TMEM132D: variants seen among roughly 807,000 people sequenced by gnomAD.
TMEM132D encodes the protein transmembrane protein 132D.
Under a neutral mutation model 62.3 loss-of-function variants are expected in TMEM132D, and 21 were observed. The ratio of observed to expected loss-of-function variants is 0.34; its 90% CI spans 0.24 to 0.49. The LOEUF (loss-of-function observed/expected upper bound fraction) is 0.49. Among genes scored for constraint, TMEM132D ranks in the 20% least tolerant of loss-of-function variants. The pLI, the probability that TMEM132D is intolerant of heterozygous loss-of-function variation, is 0.99. For missense variants in TMEM132D, 1,346 were observed against 1,402.8 expected (o/e 0.96, Z 0.65); for synonymous variants, 621 against 575.6 (o/e 1.08, Z -1.13).
At chr12:129,267,316 G>A (rs1477286647) in intron 4 of TMEM132D, among the ~76,000 whole-genome samples, 3 of 152,190 alleles carry the variant, frequency 2.0e-5, no homozygotes, top group African/African-American at 7.2e-5. Context: ...TCCTTAAGCT[G>A]ATAGGCAACT....
chr12:129,520,250 C>T (rs1875811186), intron 3 of TMEM132D, among the ~76,000 whole-genome samples: 1 of 152,154 alleles, frequency 6.6e-6, no homozygotes, highest in South Asian at 2.1e-4. Context: ...ATGCTTAATA[C>T]CATGACATTT....
At chr12:129,786,718 C>T (rs10734971) in intron 1 of TMEM132D, among the ~76,000 whole-genome samples, 96,441 of 152,064 alleles carry the variant, frequency 0.63, 31,844 homozygotes, top group Non-Finnish European at 0.73. Flanking sequence ...TGGTGAAACC[C>T]GGTCTCTACT....
At chr12:129,518,600 C>T (rs753160338) in intron 3 of TMEM132D, among the ~76,000 whole-genome samples, 1 of 151,144 alleles carries the variant, frequency 6.6e-6, no homozygotes, top group South Asian at 2.1e-4. Flanking sequence ...AAAATATGCA[C>T]ATATAACATT....
chr12:129,218,242 T>G (rs1473807077), intron 4 of TMEM132D, among the ~76,000 whole-genome samples: 1 of 152,172 alleles, frequency 6.6e-6, no homozygotes, highest in Non-Finnish European at 1.5e-5. Context: ...AAATGTTAGG[T>G]AGTGAGAATC....
intron 1 of TMEM132D, among the ~76,000 whole-genome samples, chr12:129,803,690 A>G (rs1871874580): frequency 6.6e-6 from 1 of 151,866 alleles, no homozygotes; most frequent in Admixed American, 6.6e-5. Context: ...AACTAAAATC[A>G]GAGCAGAACT....
At chr12:129,469,365 G>A (rs181174654) in intron 3 of TMEM132D, among the ~76,000 whole-genome samples, 17 of 152,186 alleles carry the variant, frequency 1.1e-4, no homozygotes, top group Admixed American at 3.3e-4. Flanking sequence ...TGTGCCCCCC[G>A]TGTCACCTGG....
chr12:129,450,541 G>A (rs1873242465), intron 3 of TMEM132D, among the ~76,000 whole-genome samples: 2 of 152,042 alleles, frequency 1.3e-5, no homozygotes, highest in Admixed American at 1.3e-4. Context: ...TCAAGTAAGA[G>A]TAAAATGCAC....
intron 3 of TMEM132D, among the ~76,000 whole-genome samples, chr12:129,361,972 T>C (rs1405469764): frequency 6.6e-6 from 1 of 152,210 alleles, no homozygotes; most frequent in Non-Finnish European, 1.5e-5. Context: ...TCAATCAAAA[T>C]TGAAGGAGCA....
chr12:129,880,366 G>C (rs943581518), intron 1 of TMEM132D, among the ~76,000 whole-genome samples: 1 of 152,158 alleles, frequency 6.6e-6, no homozygotes, highest in Non-Finnish European at 1.5e-5. Flanking sequence ...TGTTAAAGGA[G>C]AGTCTTCAGA....
rs570222591 is a variant in TMEM132D at position 129,357,457 on chromosome 12, G to A, written c.1116-19640C>T. On this transcript the variant is annotated intron_variant, in intron 3 of 8. Transcript: ENST00000422113. ...GGAAAGAAAAAAAGAAAAAGCGAGC[G>A]AGCAAGCAGTAGAAAAAGGAAGGAG... is the stretch of plus-strand genomic sequence containing the variant. Among the ~76,000 whole-genome samples, 17 of 148,716 alleles carry A rather than the reference G, an allele frequency of 1.1e-4. No homozygotes were observed. In the South Asian group the frequency reaches 3.0e-3, roughly 26 times the overall value.
At chr12:129,720,760 C>T (rs1868793407) in intron 1 of TMEM132D, among the ~76,000 whole-genome samples, 1 of 152,022 alleles carries the variant, frequency 6.6e-6, no homozygotes, top group Admixed American at 6.5e-5. Context: ...GATGCTTTCT[C>T]ACTTCTAGAT....
chr12:129,873,024 A>G (rs536653863), intron 1 of TMEM132D, among the ~76,000 whole-genome samples: 1 of 152,148 alleles, frequency 6.6e-6, no homozygotes, highest in African/African-American at 2.4e-5. Flanking sequence ...TGAACACCTC[A>G]CTCTTAATCT....
intron 5 of TMEM132D, among the ~76,000 whole-genome samples, chr12:129,174,288 C>T (rs759482926): frequency 5.3e-5 from 8 of 152,134 alleles, no homozygotes; most frequent in Non-Finnish European, 2.9e-5. Context: ...TCCATGCGTT[C>T]TCATTGTTCA....
chr12:129,621,106 T>C (rs1879055784), intron 2 of TMEM132D, among the ~76,000 whole-genome samples: 1 of 152,164 alleles, frequency 6.6e-6, no homozygotes, highest in South Asian at 2.1e-4. Context: ...ACCTTCAGTG[T>C]TTCTGGCACT....
At chr12:129,517,216 T>A (rs2137078234) in intron 3 of TMEM132D, among the ~76,000 whole-genome samples, 1 of 152,250 alleles carries the variant, frequency 6.6e-6, no homozygotes, top group Non-Finnish European at 1.5e-5. Context: ...TTACCTAAAT[T>A]TTGCTGGGAC....
chr12:129,521,881 G>C lies in TMEM132D; in HGVS notation c.1115+9178C>G, dbSNP rs1447350895. On this transcript the variant is annotated intron_variant, in intron 3 of 8. Transcript: ENST00000422113. ...CCATGGCTTGCCTAGAATTGGGATA[G>C]AAATAAAAACTTCATGCAAATGGGT... 2.0e-5 allele frequency: 3 copies of C among 150,878 alleles called. No individual in the cohort carries two copies. The East Asian group carries it at 5.8e-4, about 29-fold the overall frequency. 9.3% of individuals were successfully genotyped at this position (150,878 alleles called of 1,614,324 possible).
intron 5 of TMEM132D, among the ~76,000 whole-genome samples, chr12:129,119,546 A>G (rs1347172070): frequency 6.6e-6 from 1 of 152,246 alleles, no homozygotes; most frequent in Admixed American, 6.5e-5. Flanking sequence ...ATACAAAGAG[A>G]CTTAGTTGCC....
intron 3 of TMEM132D, among the ~76,000 whole-genome samples, chr12:129,457,064 G>A (rs7488801): frequency 0.98 from 147,797 of 151,314 alleles, 72,282 homozygotes; most frequent in East Asian, 1. Context: ...TAGAAATACC[G>A]TTTGACCCAG....
At chr12:129,474,870 C>G (rs1006073403) in intron 3 of TMEM132D, among the ~76,000 whole-genome samples, 3 of 152,148 alleles carry the variant, frequency 2.0e-5, no homozygotes. Context: ...TTCTAAGCAT[C>G]TGAGAGAAGC....
Sources: gnomAD v4.1 joint callset for allele counts (sites outside exome capture counted in the v4.1 genomes callset) on GRCh38, gnomAD v4.1.1 for gene constraint, MANE v1.5 for transcripts, NCBI Gene and HGNC (gene_info 2026-07-23, HGNC 2026-07-21) for gene names.